CNNM4: variants seen among roughly 807,000 people sequenced by gnomAD.
The protein encoded by CNNM4 is metal transporter CNNM4.
In CNNM4, 32 loss-of-function variants were observed where a neutral mutation model predicts 53.7. That is an observed-to-expected ratio of 0.60 (90% confidence interval 0.45 to 0.80). The LOEUF is 0.80. Among genes scored for constraint, CNNM4 ranks in the 30% least tolerant of loss-of-function variants. CNNM4 has a pLI of 0.00. For missense variants in CNNM4, 784 were observed against 1,022.0 expected (o/e 0.77, Z 3.17); for synonymous variants, 410 against 440.0 (o/e 0.93, Z 0.85).
At chr2:96,798,948 C>T (rs898670752) in intron 3 of CNNM4, 109 bp from the exon 4 acceptor site, 20 of 1,113,626 alleles carry the variant, frequency 1.8e-5, no homozygotes, top group African/African-American at 1.1e-4. Flanking sequence ...GGGCGGGAGT[C>T]GTCTGAGCAC....
chr2:96,802,818 C>T (rs974566058), intron 5 of CNNM4, among the ~76,000 whole-genome samples: 5 of 152,130 alleles, frequency 3.3e-5, no homozygotes, highest in African/African-American at 4.8e-5. Flanking sequence ...GATGCCTGTC[C>T]GGGGAGTCGG....
chr2:96,780,150 C>T (rs561906332), intron 1 of CNNM4, among the ~76,000 whole-genome samples: 3 of 152,218 alleles, frequency 2.0e-5, no homozygotes, highest in East Asian at 3.9e-4. Flanking sequence ...ACACGATGAC[C>T]TTTTCATTTG....
chr2:96,775,778 TATAGTAGC>T (rs1314340727), intron 1 of CNNM4, among the ~76,000 whole-genome samples: 1 of 152,124 alleles, frequency 6.6e-6, no homozygotes, highest in Non-Finnish European at 1.5e-5. Context: ...CAGGCTGGAG[TATAGTAGC>T]ATGATCACAG....
chr2:96,792,824 A>G (rs6756482), intron 1 of CNNM4, among the ~76,000 whole-genome samples: 26,581 of 151,748 alleles, frequency 0.18, 4,212 homozygotes, highest in African/African-American at 0.42. Flanking sequence ...AGAGGAGGTC[A>G]GGCTCACCGT....
At position 96,797,728 on chromosome 2, in the gene CNNM4, C is replaced by T. The variant is rs922897839; in HGVS notation, c.1681+81C>T. On this transcript the variant is annotated intron_variant, in intron 3 of 6. Coordinates refer to ENST00000377075, the MANE Select transcript of CNNM4 (RefSeq NM_020184.4). The surrounding 1 kb of genome is among the most constrained non-coding windows in gnomAD (Gnocchi z 6.0). ...CCTGGGTTTCCGGCTGCTTTCCCCC[C>T]ATAGGACGAGGGCTGCAGCAGGTGA... The T allele has an allele frequency of 1.9e-6, 3 of 1,578,872 alleles. No homozygotes were observed. Among genetic ancestry groups the T allele is most frequent in the East Asian group, 2.3e-5 (1 of 44,178 alleles).
At chr2:96,777,176 A>G (rs1018304122) in intron 1 of CNNM4, among the ~76,000 whole-genome samples, 6 of 151,832 alleles carry the variant, frequency 4.0e-5, no homozygotes, top group Admixed American at 2.6e-4. Flanking sequence ...GCGCGCCACC[A>G]CACCCAGCTA....
chr2:96,781,287 A>C (rs2153346652), intron 1 of CNNM4, among the ~76,000 whole-genome samples: 1 of 151,374 alleles, frequency 6.6e-6, no homozygotes, highest in East Asian at 2.0e-4. Context: ...CCTGATCTCG[A>C]ACTCTTGACC....
At chr2:96,780,407 C>T (rs1266820170) in intron 1 of CNNM4, among the ~76,000 whole-genome samples, 1 of 151,682 alleles carries the variant, frequency 6.6e-6, no homozygotes, top group African/African-American at 2.4e-5. Context: ...CAAGACTGCC[C>T]ACTTGCTCTC....
Position 96,762,358 on chromosome 2 carries a change from C to T in CNNM4, c.1359C>T (p.Phe453=). The T allele has an allele frequency of 2.5e-6, 4 of 1,614,160 alleles. No individual in the cohort carries two copies. The highest frequency in any genetic ancestry group is 3.4e-6 in the Non-Finnish European group (4 of 1,180,034). The change falls in exon 1 of 7, where the codon TTC becomes TTT. Residue 453 remains phenylalanine (F), a synonymous_variant. Transcript: ENST00000377075. ...ATAACCACCCGGTGCACTTTGTCTTCCATGACACCAAGTTGGATGCCATGC... is the reference window on the plus strand; with the variant it reads ...ATAACCACCCGGTGCACTTTGTCTTTCATGACACCAAGTTGGATGCCATGC... ...RFYNHPVHFV[F]HDTKLDAMLE...
rs1366671735 is a variant in CNNM4 at position 96,797,404 on chromosome 2, C to T, written c.1547-109C>T. On this transcript the variant is annotated intron_variant, in intron 2 of 6. Transcript: ENST00000377075. This position sits in a 1 kb window ranked among gnomAD's most constrained non-coding sequence, Gnocchi z 6.0. The stretch of plus-strand genomic sequence containing the variant: ...GGACCCTGCCAGCCAGAGCCTGCTG[C>T]TCCTGCGTGGGACTAGGGGCTGGAG... 5.9e-6 allele frequency: 9 copies of T among 1,519,190 alleles called. No homozygotes were observed. The African/African-American group carries it at 9.6e-5, about 16-fold the overall frequency. 94.1% of individuals were successfully genotyped at this position (1,519,190 alleles called of 1,614,324 possible).
chr2:96,795,494 C>T (rs2079095590), intron 1 of CNNM4, among the ~76,000 whole-genome samples: 3 of 152,234 alleles, frequency 2.0e-5, no homozygotes, highest in Middle Eastern at 3.4e-3. Context: ...AGTACCCCCC[C>T]CCCCATCACA....
chr2:96,786,778 C>CAAA (rs978560794), intron 1 of CNNM4, among the ~76,000 whole-genome samples: 2 of 40,478 alleles, frequency 4.9e-5, no homozygotes, highest in Non-Finnish European at 8.7e-5. Flanking sequence ...GACTCTGTCT[C>CAAA]AAAAAAAAAA....
intron 5 of CNNM4, among the ~76,000 whole-genome samples, chr2:96,802,283 G>A (rs1051520373): frequency 8.5e-5 from 13 of 152,180 alleles, no homozygotes; most frequent in African/African-American, 3.1e-4. Flanking sequence ...GGCTGGGAGT[G>A]GAGGGTTGCT....
intron 1 of CNNM4, among the ~76,000 whole-genome samples, chr2:96,763,735 T>A (rs970977618): frequency 1.3e-5 from 2 of 152,194 alleles, no homozygotes; most frequent in African/African-American, 4.8e-5. Context: ...GTTGGTACCC[T>A]CCTAAGTTCA....
intron 1 of CNNM4, among the ~76,000 whole-genome samples, chr2:96,766,697 T>G (rs1259807273): frequency 6.6e-6 from 1 of 152,236 alleles, no homozygotes; most frequent in Admixed American, 6.5e-5. Flanking sequence ...AGGGCAGGTC[T>G]CTTTGTTTTG....
Position 96,808,563 on chromosome 2 carries a change from C to T in CNNM4, c.1951C>T (p.Arg651Cys), listed in dbSNP as rs756301978. 15 of 1,613,870 alleles carry T rather than the reference C, an allele frequency of 9.3e-6. No individual in the cohort carries two copies. Among genetic ancestry groups the T allele is most frequent in the South Asian group, 2.2e-5 (2 of 91,080 alleles). Reference protein sequence around the residue: ...TMALTSVPSDRSPAHPTPLSR... With the variant: ...TMALTSVPSDCSPAHPTPLSR... ...GACAACCTCTGCTCTCCCTGCAGAC[C>T]GTTCCCCAGCACACCCCACCCCACT... Residue 651 changes from arginine to cysteine, a missense_variant and splice_region_variant, in exon 6 of 7, where the codon CGT becomes TGT. By Grantham distance (180) the Arg-to-Cys change is radical. Transcript: ENST00000377075. The surrounding 1 kb of genome is among the most constrained non-coding windows in gnomAD (Gnocchi z 4.9).
chr2:96,806,053 C>T (rs541927198), intron 5 of CNNM4, among the ~76,000 whole-genome samples: 8 of 145,442 alleles, frequency 5.5e-5, no homozygotes, highest in Admixed American at 6.7e-5. Context: ...ACCTCCCGGA[C>T]GGGGCGGCTG....
At chr2:96,778,856 A>G (rs2078948810) in intron 1 of CNNM4, among the ~76,000 whole-genome samples, 1 of 152,218 alleles carries the variant, frequency 6.6e-6, no homozygotes, top group African/African-American at 2.4e-5. Context: ...TTTAATTGAC[A>G]AAAACCATAT....
chr2:96,796,057 G>A (rs1176121877), intron 1 of CNNM4, among the ~76,000 whole-genome samples: 1 of 146,436 alleles, frequency 6.8e-6, no homozygotes, highest in Non-Finnish European at 1.5e-5. Context: ...CGGCCTCTCT[G>A]TGCCCTTGTC....
Sources: gnomAD v4.1 joint callset for allele counts (sites outside exome capture counted in the v4.1 genomes callset) on GRCh38, gnomAD v4.1.1 for gene constraint, Gnocchi (gnomAD v3.1) non-coding constraint, MANE v1.5 for transcripts, NCBI Gene and HGNC (gene_info 2026-07-23, HGNC 2026-07-21) for gene names.